Variants in URI1 observed in about 807,000 individuals in gnomAD.
The protein encoded by URI1 is unconventional prefoldin RPB5 interactor 1.
In URI1, 39 loss-of-function variants were observed where a neutral mutation model predicts 60.2. That is an observed-to-expected ratio of 0.65 (90% CI 0.50 to 0.85). The LOEUF is 0.85. Ranked by LOEUF, URI1 falls within the 40% of genes least tolerant of loss-of-function variation. URI1 has a pLI of 0.00. For missense variants in URI1, 691 were observed against 665.9 expected (o/e 1.04, Z -0.42); for synonymous variants, 251 against 236.8 (o/e 1.06, Z -0.55).
chr19:29,986,133 T>C, intron 3 of URI1, 149 bp from the exon 4 acceptor site: 1 of 762,272 alleles, frequency 1.3e-6, no homozygotes, highest in Non-Finnish European at 1.9e-6. Context: ...TAATATAGTG[T>C]TGAATTTCTG....
chr19:30,010,868 CT>C (rs776928525), intron 8 of URI1, among the ~76,000 whole-genome samples: 124 of 152,112 alleles, frequency 8.2e-4, no homozygotes, highest in Non-Finnish European at 1.4e-3. Flanking sequence ...AATAAAGACA[CT>C]GAAGACTAGG....
intron 1 of URI1, among the ~76,000 whole-genome samples, chr19:29,932,592 C>T (rs960901208): frequency 2.0e-5 from 3 of 151,100 alleles, no homozygotes; most frequent in South Asian, 2.1e-4. Flanking sequence ...GCTGGGATTA[C>T]AGGCGTGAGC....
chr19:29,984,475 T>C (rs931839316), intron 2 of URI1, among the ~76,000 whole-genome samples: 2 of 152,134 alleles, frequency 1.3e-5, no homozygotes, highest in Non-Finnish European at 2.9e-5. Flanking sequence ...CCTTCTTCTC[T>C]CCAAATATCA....
chr19:29,963,184 A>G (rs959121290), intron 1 of URI1, among the ~76,000 whole-genome samples: 1 of 152,194 alleles, frequency 6.6e-6, no homozygotes, highest in Non-Finnish European at 1.5e-5. Flanking sequence ...GAAAATCCAG[A>G]ATTCAAGATC....
intron 2 of URI1, among the ~76,000 whole-genome samples, chr19:29,975,531 TCTCA>T: frequency 7.4e-6 from 1 of 135,456 alleles, no homozygotes; most frequent in Middle Eastern, 4.1e-3. Flanking sequence ...TGAGATGGAG[TCTCA>T]CTCTGTCATC....
At chr19:30,002,659 AT>A (rs1325985088) in intron 4 of URI1, among the ~76,000 whole-genome samples, 10 of 151,724 alleles carry the variant, frequency 6.6e-5, no homozygotes, top group African/African-American at 2.4e-4. Flanking sequence ...CAAATTACTA[AT>A]TTTTTTCTTC....
chr19:29,942,813 T>A (rs2055048805), intron 1 of URI1, 149 bp downstream of exon 1: 1 of 1,055,998 alleles, frequency 9.5e-7, no homozygotes, highest in South Asian at 3.6e-5. Flanking sequence ...TCTGTTGTCT[T>A]TGTCTGCAGC....
At chr19:29,950,960 A>G (rs539037400) in intron 1 of URI1, among the ~76,000 whole-genome samples, 2 of 152,284 alleles carry the variant, frequency 1.3e-5, no homozygotes, top group East Asian at 3.9e-4. Flanking sequence ...AGAAACAAAC[A>G]TTTTTGGCAA....
chr19:29,964,471 T>G (rs979415900), intron 1 of URI1, among the ~76,000 whole-genome samples: 14 of 149,698 alleles, frequency 9.4e-5, no homozygotes, highest in African/African-American at 2.7e-4. Context: ...TTTGTTTTTT[T>G]TTTTTTTTTT....
chr19:29,986,878 C>A (rs532552221), intron 4 of URI1, among the ~76,000 whole-genome samples: 5 of 152,110 alleles, frequency 3.3e-5, no homozygotes, highest in South Asian at 2.1e-4. Context: ...GGAAAAAAAA[C>A]CATATTTTCA....
At position 30,012,897 on chromosome 19, in the gene URI1, C is replaced by A. The variant is rs192281731; in HGVS notation, c.1425+366C>A. On this transcript the variant is annotated intron_variant, in intron 10 of 10. Coordinates refer to ENST00000392271, the MANE Select transcript of URI1 (RefSeq NM_003796.3). Reference sequence around the variant, plus strand: ...AGATTACATTATTCTCTTTTAAATACCTTGGCTAAGTTAAAGAAAAATAAT... The same window carrying A: ...AGATTACATTATTCTCTTTTAAATAACTTGGCTAAGTTAAAGAAAAATAAT... 675 of 167,294 alleles carry A rather than the reference C, an allele frequency of 4.0e-3. 6 individuals carry two copies. Among genetic ancestry groups the A allele is most frequent in the African/African-American group, 0.016 (648 of 41,692 alleles). The allele number at this position is 167,294 out of a possible 1,614,324, so 10.4% of individuals were successfully genotyped here.
At chr19:29,979,823 T>C (rs2055570308) in intron 2 of URI1, among the ~76,000 whole-genome samples, 1 of 152,190 alleles carries the variant, frequency 6.6e-6, no homozygotes, top group Non-Finnish European at 1.5e-5. Flanking sequence ...GCCTGAATTT[T>C]GTGGTACATT....
At chr19:29,957,378 A>AG (rs1391258704) in intron 1 of URI1, among the ~76,000 whole-genome samples, 2 of 151,884 alleles carry the variant, frequency 1.3e-5, no homozygotes, top group South Asian at 2.1e-4. Context: ...GGGATTCTGG[A>AG]GGGGGTTAAG....
intron 1 of URI1, among the ~76,000 whole-genome samples, chr19:29,965,270 GAGAAATGGGATTCTTTAC>G (rs998472310): frequency 2.8e-4 from 42 of 152,274 alleles, no homozygotes; most frequent in African/African-American, 1.0e-3. Flanking sequence ...GCTACAGACG[GAGAAATGGGATTCTTTAC>G]CCATTCTTTA....
chr19:29,937,466 G>A (rs1222566178), upstream of URI1, among the ~76,000 whole-genome samples: 1 of 151,998 alleles, frequency 6.6e-6, no homozygotes, highest in African/African-American at 2.4e-5. Context: ...TGGCATTTTG[G>A]GTATTATTGT....
intron 1 of URI1, among the ~76,000 whole-genome samples, chr19:29,966,077 G>A (rs2055387910): frequency 6.6e-6 from 1 of 152,212 alleles, no homozygotes; most frequent in Non-Finnish European, 1.5e-5. Context: ...TTGCTTTGCA[G>A]CATATTTGGA....
At position 30,016,583 on chromosome 19, in the gene URI1, T is replaced by A. The variant is rs146424206; in HGVS notation, c.*1514T>A. The stretch of plus-strand genomic sequence containing the variant: ...AACAGATTTGTAATTTCAAGATGCG[T>A]GTCATTAAATAATTTTTCATGTTCA... On this transcript the variant is annotated 3_prime_UTR_variant, in exon 11 of 11. Transcript: ENST00000392271. The A allele has an allele frequency of 4.9e-3, 742 of 152,202 alleles. 8 individuals carry two copies. Among genetic ancestry groups the A allele is most frequent in the African/African-American group, 0.017 (706 of 41,564 alleles). 9.4% of individuals were successfully genotyped at this position (152,202 alleles called of 1,614,324 possible).
At chr19:29,968,231 A>G (rs1382991173) in intron 1 of URI1, among the ~76,000 whole-genome samples, 5 of 152,160 alleles carry the variant, frequency 3.3e-5, no homozygotes, top group Non-Finnish European at 7.4e-5. Flanking sequence ...ATAATACAAT[A>G]AGTTTTTTTT....
chr19:29,929,450 A>C (rs890827838), intron 1 of URI1, among the ~76,000 whole-genome samples: 1 of 150,838 alleles, frequency 6.6e-6, no homozygotes, highest in African/African-American at 2.4e-5. Flanking sequence ...TACAAAAATT[A>C]GCGGGGTGTG....
Sources: gnomAD v4.1 joint callset for allele counts (sites outside exome capture counted in the v4.1 genomes callset) on GRCh38, gnomAD v4.1.1 for gene constraint, MANE v1.5 for transcripts, NCBI Gene and HGNC (gene_info 2026-07-23, HGNC 2026-07-21) for gene names.